Variants in ARFIP1 observed in about 807,000 individuals in gnomAD.
ARFIP1 encodes arfaptin-1.
A neutral mutation model predicts 42.5 loss-of-function variants in ARFIP1; 24 were observed. The ratio of observed to expected loss-of-function variants is 0.57; its 90% CI spans 0.41 to 0.80. ARFIP1 has a LOEUF of 0.80. ARFIP1 is among the 30% of genes least tolerant of loss of function. The pLI is 0.00. For missense variants in ARFIP1, 354 were observed against 434.0 expected, an observed-to-expected ratio of 0.82 and a Z score of 1.64; for synonymous variants, 141 against 153.7, an observed-to-expected ratio of 0.92 and a Z score of 0.61.
intron 1 of ARFIP1, among the ~76,000 whole-genome samples, chr4:152,787,957 G>T (rs1730907814): frequency 6.6e-6 from 1 of 152,246 alleles, no homozygotes; most frequent in Non-Finnish European, 1.5e-5. Flanking sequence ...CGGGCACAGT[G>T]GCTCACGCCT....
intron 1 of ARFIP1, among the ~76,000 whole-genome samples, chr4:152,803,179 T>C (rs1209812144): frequency 4.6e-5 from 7 of 152,158 alleles, no homozygotes; most frequent in African/African-American, 1.4e-4. Context: ...AGCAGTTTTA[T>C]GAGCCACGTT....
chr4:152,854,065 A>G (rs1264705543), intron 2 of ARFIP1, among the ~76,000 whole-genome samples: 2 of 151,824 alleles, frequency 1.3e-5, no homozygotes, highest in African/African-American at 4.8e-5. Context: ...GGCACGTGCC[A>G]CCACACCCAG....
At chr4:152,813,220 G>A (rs1420397774) in intron 1 of ARFIP1, among the ~76,000 whole-genome samples, 1 of 150,636 alleles carries the variant, frequency 6.6e-6, no homozygotes, top group Non-Finnish European at 1.5e-5. Context: ...TGTACAGGAG[G>A]ATATGCATAG....
intron 1 of ARFIP1, among the ~76,000 whole-genome samples, chr4:152,799,744 G>A (rs1012328842): frequency 6.6e-6 from 1 of 152,188 alleles, no homozygotes; most frequent in African/African-American, 2.4e-5. Flanking sequence ...CCTGTTGAGA[G>A]ATGATCAGAG....
intron 5 of ARFIP1, among the ~76,000 whole-genome samples, chr4:152,878,945 A>G (rs146627718): frequency 3.1e-3 from 478 of 152,352 alleles, no homozygotes; most frequent in Non-Finnish European, 5.1e-3. Flanking sequence ...AAATATGGGA[A>G]TAAGTGATGT....
chr4:152,891,830 T>C (rs892999529), intron 8 of ARFIP1, among the ~76,000 whole-genome samples: 1 of 152,090 alleles, frequency 6.6e-6, no homozygotes, highest in African/African-American at 2.4e-5. Flanking sequence ...TGCCTCAGCC[T>C]CTCTGTAGCT....
chr4:152,794,931 A>G (rs913956139), intron 1 of ARFIP1, among the ~76,000 whole-genome samples: 1 of 151,976 alleles, frequency 6.6e-6, no homozygotes, highest in African/African-American at 2.4e-5. Context: ...ACAAACCCCC[A>G]TCTGTTTTTG....
At chr4:152,829,248 ATTT>A (rs1731081578) in intron 1 of ARFIP1, among the ~76,000 whole-genome samples, 1 of 152,090 alleles carries the variant, frequency 6.6e-6, no homozygotes, top group African/African-American at 2.4e-5. Flanking sequence ...CTGTGCTCTC[ATTT>A]GTCTTCGCAG....
intron 2 of ARFIP1, among the ~76,000 whole-genome samples, chr4:152,843,845 T>G (rs1578915650): frequency 6.6e-6 from 1 of 152,162 alleles, no homozygotes; most frequent in Non-Finnish European, 1.5e-5. Flanking sequence ...CTACCCACCT[T>G]CCAGCTGCGA....
At chr4:152,907,131 A>G (rs755188583) in intron 8 of ARFIP1, among the ~76,000 whole-genome samples, 3 of 152,052 alleles carry the variant, frequency 2.0e-5, no homozygotes, top group South Asian at 4.1e-4. Flanking sequence ...TTGAGAAGAG[A>G]TGTTTGCCTT....
At chr4:152,882,683 A>C in intron 6 of ARFIP1, 40 bp from the exon 7 acceptor site, 1 of 1,589,808 alleles carries the variant, frequency 6.3e-7, no homozygotes, top group Non-Finnish European at 8.6e-7. Flanking sequence ...ACTTTTACTG[A>C]TTTATTACTG....
chr4:152,844,784 C>T (rs1384098023), intron 2 of ARFIP1, among the ~76,000 whole-genome samples: 1 of 152,150 alleles, frequency 6.6e-6, no homozygotes, highest in Non-Finnish European at 1.5e-5. Flanking sequence ...AATAGCCATA[C>T]TGCCTAAAGC....
At position 152,845,622 on chromosome 4, in the gene ARFIP1, G is replaced by C. The variant is rs1732478379; in HGVS notation, c.93+15896G>C. Among the ~76,000 whole-genome samples the C allele has an allele frequency of 4.6e-5, 7 of 152,246 alleles. No homozygotes were observed. The South Asian group carries it at 1.5e-3, about 32-fold the overall frequency. On this transcript the variant is annotated intron_variant, in intron 2 of 8. Transcript: ENST00000353617. ...AAAATGCTCATCACTAATCATCAGA[G>C]AAATGCAAATCAAAACCACAATGAG... is the stretch of plus-strand genomic sequence containing the variant.
intron 1 of ARFIP1, chr4:152,795,990 C>T (rs2149819441): frequency 1.8e-6 from 1 of 560,736 alleles, no homozygotes; most frequent in Non-Finnish European, 3.4e-6. Context: ...TTTGGTAGTA[C>T]TCAGAAACAT....
intron 2 of ARFIP1, among the ~76,000 whole-genome samples, chr4:152,852,373 G>A (rs1438978785): frequency 1.3e-5 from 2 of 152,110 alleles, no homozygotes; most frequent in Non-Finnish European, 2.9e-5. Context: ...GCTCATGCCC[G>A]TAATCCTAGC....
At chr4:152,819,224 C>T (rs1730155923) in intron 1 of ARFIP1, among the ~76,000 whole-genome samples, 1 of 152,186 alleles carries the variant, frequency 6.6e-6, no homozygotes, top group South Asian at 2.1e-4. Flanking sequence ...CCCGTTACAG[C>T]ATCTGCAGGC....
intron 2 of ARFIP1, among the ~76,000 whole-genome samples, chr4:152,841,128 C>T (rs1442952519): frequency 4.0e-5 from 6 of 150,322 alleles, no homozygotes; most frequent in Non-Finnish European, 5.9e-5. Context: ...CTCCACCTCC[C>T]GGGTTCAAGT....
chr4:152,804,150 T>C (rs1300548414), intron 1 of ARFIP1, among the ~76,000 whole-genome samples: 2 of 118,378 alleles, frequency 1.7e-5, no homozygotes, highest in East Asian at 2.2e-4. Flanking sequence ...TAACATGTAT[T>C]ATATATTATA....
At chr4:152,847,121 G>GTTTTTTTTTTTTTTTTTTTTT (rs1561139273) in intron 2 of ARFIP1, among the ~76,000 whole-genome samples, 2 of 48,178 alleles carry the variant, frequency 4.2e-5, no homozygotes, top group Non-Finnish European at 8.6e-5. Flanking sequence ...TTTTAGGTTT[G>GTTTTTTTTTTTTTTTTTTTTT]TTCTTTTTTT....
Sources: allele counts gnomAD v4.1 joint callset (sites outside exome capture counted in the v4.1 genomes callset), GRCh38; gene constraint gnomAD v4.1.1; transcripts MANE v1.5; gene names NCBI Gene and HGNC (gene_info 2026-07-23, HGNC 2026-07-21).